STK32A: variants seen among roughly 807,000 people sequenced by gnomAD.
STK32A encodes serine/threonine kinase 32A, also known as serine/threonine-protein kinase 32A.
A neutral mutation model predicts 53.2 loss-of-function variants in STK32A; 41 were observed. That is an observed-to-expected ratio of 0.77 (90% CI 0.60 to 1.00). STK32A has a LOEUF of 1.00. Ranked by LOEUF, STK32A falls within the 50% of genes least tolerant of loss-of-function variation. The pLI, the probability that STK32A is intolerant of heterozygous loss-of-function variation, is 0.00. For synonymous variants in STK32A, 166 were observed against 162.8 expected (o/e 1.02, Z -0.15); for missense variants, 458 against 485.8 (o/e 0.94, Z 0.54).
At chr5:147,303,547 T>A (rs528377990) in intron 4 of STK32A, among the ~76,000 whole-genome samples, 1 of 152,134 alleles carries the variant, frequency 6.6e-6, no homozygotes, top group African/African-American at 2.4e-5. Flanking sequence ...GGTGTAGAAA[T>A]AGGCTCCACT....
At chr5:147,260,422 G>A (rs1754505390) in intron 2 of STK32A, among the ~76,000 whole-genome samples, 1 of 151,600 alleles carries the variant, frequency 6.6e-6, no homozygotes, top group Non-Finnish European at 1.5e-5. Context: ...TTCCCTAAGG[G>A]AGCGACCGGT....
At chr5:147,259,541 CTTTT>C (rs58442395) in intron 2 of STK32A, among the ~76,000 whole-genome samples, 2 of 147,788 alleles carry the variant, frequency 1.4e-5, no homozygotes, top group Admixed American at 6.7e-5. Context: ...TTTACCCTGG[CTTTT>C]TTTTTTTTAT....
At chr5:147,349,263 A>C (rs889989638) in intron 6 of STK32A, among the ~76,000 whole-genome samples, 3 of 152,240 alleles carry the variant, frequency 2.0e-5, no homozygotes, top group African/African-American at 7.2e-5. Context: ...TTTCTGCACA[A>C]AATAAAATCC....
At chr5:147,330,126 ACAGTCTAGTTGAGT>A (rs1210506451) in intron 5 of STK32A, among the ~76,000 whole-genome samples, 1 of 152,174 alleles carries the variant, frequency 6.6e-6, no homozygotes, top group Non-Finnish European at 1.5e-5. Context: ...GTGTCTGGGC[ACAGTCTAGTTGAGT>A]TCTCGGCACA....
At chr5:147,306,317 A>G (rs941277738) in intron 4 of STK32A, among the ~76,000 whole-genome samples, 8 of 151,970 alleles carry the variant, frequency 5.3e-5, no homozygotes, top group African/African-American at 1.9e-4. Context: ...TTATTGATCC[A>G]TGAAAGCTCT....
chr5:147,294,200 C>CA (rs1360483813), intron 4 of STK32A, among the ~76,000 whole-genome samples: 1 of 152,190 alleles, frequency 6.6e-6, no homozygotes, highest in Non-Finnish European at 1.5e-5. Context: ...TGATCACACA[C>CA]AAAATTCCTT....
intron 7 of STK32A, among the ~76,000 whole-genome samples, chr5:147,354,196 A>G (rs1756118430): frequency 6.6e-6 from 1 of 152,214 alleles, no homozygotes; most frequent in Non-Finnish European, 1.5e-5. Flanking sequence ...TAATGGACAT[A>G]TATAATTCAG....
chr5:147,307,242 T>A (rs1248853547), intron 4 of STK32A, among the ~76,000 whole-genome samples: 4 of 152,108 alleles, frequency 2.6e-5, no homozygotes, highest in Non-Finnish European at 4.4e-5. Context: ...GTTTTTTTTT[T>A]AACAATAAAA....
In STK32A at chr5:147,273,020, T is replaced by C. The variant is rs547051122; in HGVS notation, c.53-5104T>C. On this transcript the variant is annotated intron_variant, in intron 2 of 12. Coordinates refer to ENST00000397936, the MANE Select transcript of STK32A (RefSeq NM_001112724.2). ...GAAAAAATAAAATCTTTTGCAAAGA[T>C]TTTTACCTCAAAAATAGAAAAAAAG... 2.0e-5 allele frequency among the ~76,000 whole-genome samples: 3 copies of C among 152,298 alleles called. No individual in the cohort carries two copies. The East Asian group carries it at 5.8e-4, about 29-fold the overall frequency.
At position 147,324,060 on chromosome 5, in the gene STK32A, CA is replaced by C. The variant is rs766147111; in HGVS notation, c.424del (p.Ile142SerfsTer6). 2.5e-6 allele frequency: 4 copies of C among 1,603,888 alleles called. No individual in the cohort carries two copies. The East Asian group carries it at 9.0e-5, about 36-fold the overall frequency. ...MALDYLQNQR[I>X]IHRDMKPDNI... is the part of the protein sequence containing the mutation. Reference sequence around the variant, plus strand: ...CCCTGGACTACCTGCAGAACCAGCGCATCATTCACAGGTCAGTCAAGTCCAA... The same window carrying C: ...CCCTGGACTACCTGCAGAACCAGCGCTCATTCACAGGTCAGTCAAGTCCAA... On this transcript the variant is annotated frameshift_variant, in exon 5 of 13. Transcript: ENST00000397936. LOFTEE classifies it high-confidence loss of function.
In STK32A at chr5:147,373,285, C is replaced by A. The variant is rs780204316; in HGVS notation, c.894C>A (p.Phe298Leu). The change falls in exon 10 of 13, where the codon TTC becomes TTA. Residue 298 changes from phenylalanine (F) to leucine (L), a missense_variant. Coordinates refer to ENST00000397936, the MANE Select transcript of STK32A (RefSeq NM_001112724.2). ...TTCAGAAGAGGCTCATTCCAGGTTT[C>A]ATTCCTAATGTGAGTCAATCCTAAC... ...AVFQKRLIPG[F>L]IPNKGRLNCD... 6.2e-7 allele frequency: 1 copy of A among 1,613,112 alleles called. No individual in the cohort carries two copies. The highest frequency in any genetic ancestry group is 8.5e-7 in the Non-Finnish European group (1 of 1,179,484).
chr5:147,384,532 G>C lies in STK32A; in HGVS notation c.*549G>C. 1 of 1,051,454 alleles carries C rather than the reference G, an allele frequency of 9.5e-7. No homozygotes were observed. The highest frequency in any genetic ancestry group is 2.1e-5 in the Admixed American group (1 of 46,608). The allele number at this position is 1,051,454 out of a possible 1,614,324, so 65.1% of individuals were successfully genotyped here. A position where few individuals can be genotyped will look rare whatever the true frequency, so the allele number is the denominator to read the frequency against. On this transcript the variant is annotated 3_prime_UTR_variant, in exon 13 of 13. Coordinates refer to ENST00000397936, the MANE Select transcript of STK32A (RefSeq NM_001112724.2). Reference sequence around the variant, plus strand: ...GATTAAAAGTAACAGAGATGGATGAGGGCCTTCCAGTGATATGCGTGAATC... The same window carrying C: ...GATTAAAAGTAACAGAGATGGATGACGGCCTTCCAGTGATATGCGTGAATC...
chr5:147,244,505 C>A (rs1449821137), intron 2 of STK32A, among the ~76,000 whole-genome samples: 1 of 152,130 alleles, frequency 6.6e-6, no homozygotes, highest in South Asian at 2.1e-4. Context: ...CACAGCCTGG[C>A]ATGATGGGCT....
At chr5:147,311,265 ATATT>A (rs1753680778) in intron 4 of STK32A, among the ~76,000 whole-genome samples, 1 of 152,124 alleles carries the variant, frequency 6.6e-6, no homozygotes, top group African/African-American at 2.4e-5. Context: ...TGTTTGTTAA[ATATT>A]TGTTTATCTT....
intron 2 of STK32A, among the ~76,000 whole-genome samples, chr5:147,241,536 G>A (rs1007500292): frequency 2.0e-5 from 3 of 152,092 alleles, no homozygotes; most frequent in Admixed American, 6.6e-5. Flanking sequence ...TGATCAGGAC[G>A]CCTTGTTTCA....
chr5:147,258,982 G>C (rs374849337), intron 2 of STK32A, among the ~76,000 whole-genome samples: 1 of 151,948 alleles, frequency 6.6e-6, no homozygotes, highest in Admixed American at 6.6e-5. Context: ...CAGCTCTCAC[G>C]TTTGAACAGA....
chr5:147,260,042 T>A lies in STK32A; in HGVS notation c.53-18082T>A, dbSNP rs146133288. 9.4e-3 allele frequency among the ~76,000 whole-genome samples: 1,364 copies of A among 145,306 alleles called. 9 individuals are homozygous for A. Among genetic ancestry groups the A allele is most frequent in the South Asian group, 0.025 (109 of 4,422 alleles). On this transcript the variant is annotated intron_variant, in intron 2 of 12. Transcript: ENST00000397936. Reference sequence around the variant, plus strand: ...CTTTGTCCTCTCTCTTTCTCTCTCCTGTCTCTCCTCTCTCTCTCTCCCCTC... The same window carrying A: ...CTTTGTCCTCTCTCTTTCTCTCTCCAGTCTCTCCTCTCTCTCTCTCCCCTC...
intron 8 of STK32A, among the ~76,000 whole-genome samples, chr5:147,367,420 A>G (rs1209044721): frequency 6.6e-6 from 1 of 152,128 alleles, no homozygotes; most frequent in African/African-American, 2.4e-5. Flanking sequence ...ACTCACATCC[A>G]TGTGAAGAGA....
chr5:147,267,709 A>C (rs1754867051), intron 2 of STK32A, among the ~76,000 whole-genome samples: 1 of 152,174 alleles, frequency 6.6e-6, no homozygotes, highest in South Asian at 2.1e-4. Flanking sequence ...TAGAGGCAAC[A>C]TGGAGGGGGA....
Sources: gnomAD v4.1 joint callset for allele counts (sites outside exome capture counted in the v4.1 genomes callset) on GRCh38, gnomAD v4.1.1 for gene constraint, MANE v1.5 for transcripts, NCBI Gene and HGNC (gene_info 2026-07-23, HGNC 2026-07-21) for gene names.